The following XPNPEP1 variants were observed in gnomAD, a reference collection of about 807,000 sequenced individuals.
The protein encoded by XPNPEP1 is xaa-Pro aminopeptidase 1.
In XPNPEP1, 39 loss-of-function variants were observed where a neutral mutation model predicts 92.4. That is an observed-to-expected ratio of 0.42 (90% confidence interval 0.33 to 0.55). The LOEUF is 0.55. Ranked by LOEUF, XPNPEP1 falls within the 20% of genes least tolerant of loss-of-function variation. The pLI, the probability that XPNPEP1 is intolerant of heterozygous loss-of-function variation, is 0.08. For missense variants in XPNPEP1, 654 were observed against 856.1 expected (o/e 0.76, Z 2.95); for synonymous variants, 307 against 299.4 (o/e 1.03, Z -0.26).
At chr10:109,868,880 T>C (rs10082502) in intron 19 of XPNPEP1, among the ~76,000 whole-genome samples, 168 bp from the exon 20 acceptor site, 6,483 of 152,214 alleles carry the variant, frequency 0.043, 464 homozygotes, top group African/African-American at 0.15. Context: ...CTGATGCCAT[T>C]TTCCAAGAGC....
At chr10:109,886,741 C>A (rs1468268067) in intron 7 of XPNPEP1, among the ~76,000 whole-genome samples, 1 of 152,210 alleles carries the variant, frequency 6.6e-6, no homozygotes, top group African/African-American at 2.4e-5. Context: ...ACTGTAAATA[C>A]TGATGCAACA....
rs1847880456 is a variant in XPNPEP1, at chr10:109,878,032, G to A, written c.1209C>T (p.Ile403=). 5 of 1,614,106 alleles carry A rather than the reference G, an allele frequency of 3.1e-6. No homozygotes were observed. Among genetic ancestry groups the A allele is most frequent in the Non-Finnish European group, 4.2e-6 (5 of 1,180,046 alleles). The change falls in exon 13 of 21, where the codon ATC becomes ATT. Residue 403 remains isoleucine (I), a synonymous_variant. Transcript: ENST00000502935. ...KEVPKGGVTE[I]SAADKAEEFR... ...ACTCCTCAGCTTTGTCAGCAGCTGA[G>A]ATCTCTGTCACACCACCTTTGGGAA... is the stretch of plus-strand genomic sequence containing the variant.
At chr10:109,892,954 G>T in intron 4 of XPNPEP1, 58 bp downstream of exon 4, 1 of 1,560,586 alleles carries the variant, frequency 6.4e-7, no homozygotes, top group Non-Finnish European at 8.8e-7. Context: ...ACTCGGTTCA[G>T]TTATTTTTAG....
chr10:109,868,105 A>G (rs1847238842), intron 20 of XPNPEP1, among the ~76,000 whole-genome samples: 1 of 152,244 alleles, frequency 6.6e-6, no homozygotes, highest in Admixed American at 6.5e-5. Flanking sequence ...TGACCACAGT[A>G]GTAACCGAGA....
intron 5 of XPNPEP1, 63 bp downstream of exon 5, chr10:109,891,659 G>C: frequency 7.6e-7 from 1 of 1,321,956 alleles, no homozygotes; most frequent in Non-Finnish European, 1.0e-6. Flanking sequence ...GAGTCCTGAG[G>C]ACCTCTAGGA....
chr10:109,884,940 T>C (rs991721123), intron 8 of XPNPEP1, among the ~76,000 whole-genome samples: 1 of 152,238 alleles, frequency 6.6e-6, no homozygotes, highest in African/African-American at 2.4e-5. Context: ...CTTAAAGTGA[T>C]GAGGCACCAT....
rs967090088 is a variant in XPNPEP1 at position 109,867,457 on chromosome 10, G to A, written c.1872+1157C>T. ...AATGTTTAGCTGAACCAAGGGCACG[G>A]ATGGTTAAGCAGAGGCGCTCAAGCA... On this transcript the variant is annotated intron_variant, in intron 20 of 20. Transcript: ENST00000502935. The surrounding 1 kb of genome is among the most constrained non-coding windows in gnomAD (Gnocchi z 4.5). Among the ~76,000 whole-genome samples, 5 of 152,260 alleles carry A rather than the reference G, an allele frequency of 3.3e-5. No individual in the cohort carries two copies. Among genetic ancestry groups the A allele is most frequent in the Non-Finnish European group, 7.3e-5 (5 of 68,046 alleles).
At chr10:109,875,032 C>A (rs896674880) in intron 15 of XPNPEP1, among the ~76,000 whole-genome samples, 1 of 152,192 alleles carries the variant, frequency 6.6e-6, no homozygotes, top group South Asian at 2.1e-4. Flanking sequence ...CAAGACCCAA[C>A]CAAATCTTGG....
intron 3 of XPNPEP1, among the ~76,000 whole-genome samples, chr10:109,901,134 G>A (rs893412826): frequency 6.6e-6 from 1 of 151,878 alleles, no homozygotes; most frequent in Admixed American, 6.6e-5. Flanking sequence ...TCCTTTGTAG[G>A]GACATGGATG....
intron 1 of XPNPEP1, among the ~76,000 whole-genome samples, chr10:109,915,543 C>G (rs562740106): frequency 1.3e-5 from 2 of 151,942 alleles, no homozygotes; most frequent in East Asian, 3.9e-4. Context: ...GGGAGACTAA[C>G]CCTCATGTTT....
intron 12 of XPNPEP1, among the ~76,000 whole-genome samples, chr10:109,879,922 C>G (rs999921880): frequency 2.0e-5 from 3 of 152,126 alleles, no homozygotes; most frequent in Non-Finnish European, 4.4e-5. Context: ...TAATGAAATT[C>G]CACTTAGTTA....
At chr10:109,900,287 A>G (rs1849214396) in intron 3 of XPNPEP1, among the ~76,000 whole-genome samples, 1 of 152,084 alleles carries the variant, frequency 6.6e-6, no homozygotes, top group African/African-American at 2.4e-5. Context: ...TCAACCCAGA[A>G]TCTACCCTGA....
chr10:109,894,849 G>A (rs1354626450), intron 3 of XPNPEP1, among the ~76,000 whole-genome samples: 1 of 152,208 alleles, frequency 6.6e-6, no homozygotes, highest in African/African-American at 2.4e-5. Context: ...CAGCACTAAG[G>A]AAATAGAAAG....
intron 3 of XPNPEP1, among the ~76,000 whole-genome samples, chr10:109,900,332 A>G (rs1041281034): frequency 1.3e-5 from 2 of 152,198 alleles, no homozygotes; most frequent in African/African-American, 4.8e-5. Context: ...CACAGGGAAC[A>G]GCAGCCTCTC....
chr10:109,886,900 T>C (rs753877331), intron 7 of XPNPEP1, among the ~76,000 whole-genome samples: 18 of 152,168 alleles, frequency 1.2e-4, no homozygotes, highest in Non-Finnish European at 2.1e-4. Context: ...TTCCCTGTAG[T>C]CTGACTCACT....
intron 8 of XPNPEP1, among the ~76,000 whole-genome samples, chr10:109,885,744 C>T (rs1405182957): frequency 6.6e-6 from 1 of 152,204 alleles, no homozygotes; most frequent in Non-Finnish European, 1.5e-5. Context: ...TGCTGAACAA[C>T]TGCATGAAGG....
At chr10:109,871,068 T>A in intron 17 of XPNPEP1, 164 bp from the exon 18 acceptor site, 1 of 748,752 alleles carries the variant, frequency 1.3e-6, no homozygotes, top group Non-Finnish European at 2.0e-6. Flanking sequence ...TCAGAGCTCC[T>A]GAGAAACCAT....
intron 1 of XPNPEP1, among the ~76,000 whole-genome samples, chr10:109,921,177 AAGAATAT>A (rs1244260446): frequency 6.6e-6 from 1 of 152,192 alleles, no homozygotes; most frequent in Non-Finnish European, 1.5e-5. Context: ...TAAGAACTAG[AAGAATAT>A]ACCTCAGGGA....
At chr10:109,879,082 A>T (rs2133387483) in intron 12 of XPNPEP1, among the ~76,000 whole-genome samples, 1 of 150,598 alleles carries the variant, frequency 6.6e-6, no homozygotes, top group East Asian at 2.0e-4. Flanking sequence ...CTCTACTAAA[A>T]ATACAAAAAA....
Sources: gnomAD v4.1 joint callset for allele counts (sites outside exome capture counted in the v4.1 genomes callset) on GRCh38, gnomAD v4.1.1 for gene constraint, Gnocchi (gnomAD v3.1) non-coding constraint, MANE v1.5 for transcripts, NCBI Gene and HGNC (gene_info 2026-07-23, HGNC 2026-07-21) for gene names.